The following RPSA2 variants were observed in gnomAD, a reference collection of about 807,000 sequenced individuals.
The protein encoded by RPSA2 is small ribosomal subunit protein uS2B.
the RPSA2 span, among the ~76,000 whole-genome samples, chr19:23,785,869 G>A: frequency 6.6e-6 from 1 of 152,028 alleles, no homozygotes; most frequent in Non-Finnish European, 1.5e-5. Flanking sequence ...CTCCTTTTTT[G>A]TACAAAGTCA....
the RPSA2 span, among the ~76,000 whole-genome samples, chr19:23,841,943 CTT>C: frequency 2.6e-5 from 4 of 152,140 alleles, no homozygotes; most frequent in Admixed American, 2.6e-4. Flanking sequence ...AATAGTTTCT[CTT>C]TGTTTATACT....
At chr19:23,827,981 G>A in the RPSA2 span, 3 of 835,762 alleles carry the variant, frequency 3.6e-6, no homozygotes, top group Non-Finnish European at 5.8e-6. Flanking sequence ...GCCTGCCACG[G>A]AAGACTGGTC....
At chr19:23,864,412 G>C in the RPSA2 span, among the ~76,000 whole-genome samples, 1 of 152,044 alleles carries the variant, frequency 6.6e-6, no homozygotes, top group Non-Finnish European at 1.5e-5. Context: ...AAAATATCCA[G>C]AAGACAGCCA....
At chr19:23,859,815 C>T in the RPSA2 span, among the ~76,000 whole-genome samples, 2 of 152,154 alleles carry the variant, frequency 1.3e-5, no homozygotes, top group African/African-American at 4.8e-5. Context: ...GAAAAGGAGT[C>T]CCTGCTTTGT....
chr19:23,866,635 A>G, the RPSA2 span, among the ~76,000 whole-genome samples: 2 of 151,838 alleles, frequency 1.3e-5, no homozygotes, highest in Non-Finnish European at 2.9e-5. Context: ...AGGAAATGAG[A>G]AGGAGGCCTG....
At chr19:23,824,996 T>C in the RPSA2 span, among the ~76,000 whole-genome samples, 1 of 152,148 alleles carries the variant, frequency 6.6e-6, no homozygotes, top group South Asian at 2.1e-4. Flanking sequence ...TTTGTTTTTT[T>C]TGAGATGGAG....
the RPSA2 span, among the ~76,000 whole-genome samples, chr19:23,820,910 A>G: frequency 1.3e-5 from 2 of 152,218 alleles, no homozygotes; most frequent in Non-Finnish European, 2.9e-5. Context: ...AACTGCTTCT[A>G]TCTGTAAAGT....
the RPSA2 span, among the ~76,000 whole-genome samples, chr19:23,863,754 C>G: frequency 6.6e-6 from 1 of 152,172 alleles, no homozygotes; most frequent in African/African-American, 2.4e-5. Context: ...ATTCCATTTA[C>G]TGTAAAGATA....
chr19:23,812,953 T>C, the RPSA2 span, among the ~76,000 whole-genome samples: 4 of 152,296 alleles, frequency 2.6e-5, no homozygotes, highest in African/African-American at 9.6e-5. Flanking sequence ...CAGCCAGGCA[T>C]AGTGGTGGCT....
At chr19:23,842,181 T>A in the RPSA2 span, among the ~76,000 whole-genome samples, 2 of 152,216 alleles carry the variant, frequency 1.3e-5, no homozygotes, top group South Asian at 4.1e-4. Flanking sequence ...GATGTATGCA[T>A]TAAAATTTGA....
At chr19:23,869,922 G>T in the RPSA2 span, among the ~76,000 whole-genome samples, 2 of 152,158 alleles carry the variant, frequency 1.3e-5, no homozygotes, top group Non-Finnish European at 2.9e-5. Flanking sequence ...CAGCTAAGGC[G>T]GACCAGCTCC....
At chr19:23,782,679 CTT>C in the RPSA2 span, among the ~76,000 whole-genome samples, 1 of 152,168 alleles carries the variant, frequency 6.6e-6, no homozygotes, top group Non-Finnish European at 1.5e-5. Flanking sequence ...TAATGTGACT[CTT>C]TTCTTCTGGG....
At chr19:23,769,354 CT>C in the RPSA2 span, among the ~76,000 whole-genome samples, 3 of 151,848 alleles carry the variant, frequency 2.0e-5, no homozygotes, top group Admixed American at 6.6e-5. Flanking sequence ...ATGTGACTCT[CT>C]TTTTTCGAGA....
chr19:23,853,784 G>T, the RPSA2 span, among the ~76,000 whole-genome samples: 2 of 152,208 alleles, frequency 1.3e-5, no homozygotes, highest in African/African-American at 4.8e-5. Context: ...AGGCTGAATT[G>T]TACCCTTTTG....
At chr19:23,807,505 CAT>C in the RPSA2 span, among the ~76,000 whole-genome samples, 34 of 152,212 alleles carry the variant, frequency 2.2e-4, no homozygotes, top group African/African-American at 7.9e-4. Flanking sequence ...ATCTGAAAAA[CAT>C]ATATAACTCA....
the RPSA2 span, among the ~76,000 whole-genome samples, chr19:23,811,877 AC>A: frequency 0.16 from 25,062 of 151,926 alleles, 2,882 homozygotes; most frequent in East Asian, 0.51. Context: ...AACATTTAAA[AC>A]AAAAAATTGT....
At chr19:23,780,065 CCT>C in the RPSA2 span, among the ~76,000 whole-genome samples, 1 of 152,148 alleles carries the variant, frequency 6.6e-6, no homozygotes, top group East Asian at 1.9e-4. Flanking sequence ...ATAACTAATA[CCT>C]CTTACCGGTC....
At chr19:23,862,308 T>C in the RPSA2 span, among the ~76,000 whole-genome samples, 4 of 151,558 alleles carry the variant, frequency 2.6e-5, no homozygotes, top group African/African-American at 9.7e-5. Context: ...AGATATACAA[T>C]CATGTCATCT....
the RPSA2 span, among the ~76,000 whole-genome samples, chr19:23,761,921 T>TCTCTCTC: frequency 1.6e-4 from 12 of 76,190 alleles, 2 homozygotes; most frequent in East Asian, 7.6e-4. Flanking sequence ...TCTTTCTTTC[T>TCTCTCTC]TTTTTTTTTT....
Sources: gnomAD v4.1 joint callset for allele counts (sites outside exome capture counted in the v4.1 genomes callset) on GRCh38, gnomAD v4.1.1 for gene constraint, MANE v1.5 for transcripts, NCBI Gene and HGNC (gene_info 2026-07-23, HGNC 2026-07-21) for gene names.